Variants in SLC44A5 observed in about 807,000 individuals in gnomAD.
The protein encoded by SLC44A5 is choline transporter-like protein 5.
Under a neutral mutation model 101.8 loss-of-function variants are expected in SLC44A5, and 57 were observed. That is an observed-to-expected ratio of 0.56 (90% CI 0.45 to 0.70). The LOEUF (loss-of-function observed/expected upper bound fraction) is 0.70, where lower values mean the gene tolerates loss of function less well. SLC44A5 is among the 30% of genes least tolerant of loss of function. The pLI is 0.00. For synonymous variants in SLC44A5, 281 were observed against 290.9 expected (o/e 0.97, Z 0.35); for missense variants, 737 against 853.1 (o/e 0.86, Z 1.70).
the SLC44A5 span, among the ~76,000 whole-genome samples, chr1:75,694,923 C>T: frequency 6.6e-6 from 1 of 152,120 alleles, no homozygotes; most frequent in African/African-American, 2.4e-5. Context: ...CAGCATTTGA[C>T]ATATTACTTG....
the SLC44A5 span, among the ~76,000 whole-genome samples, chr1:75,621,267 T>C: frequency 5.9e-5 from 9 of 152,102 alleles, no homozygotes; most frequent in East Asian, 5.8e-4. Flanking sequence ...TTTTGAAAAA[T>C]AGACACAGAA....
intron 5 of SLC44A5, among the ~76,000 whole-genome samples, chr1:75,299,712 TA>T (rs968152713): frequency 1.3e-5 from 2 of 151,782 alleles, no homozygotes; most frequent in African/African-American, 2.4e-5. Flanking sequence ...GGTAGTTGTT[TA>T]AAAAAAATCC....
chr1:75,565,445 C>A (rs917934699), intron 1 of SLC44A5, among the ~76,000 whole-genome samples: 1 of 152,174 alleles, frequency 6.6e-6, no homozygotes, highest in Non-Finnish European at 1.5e-5. Flanking sequence ...TTAATTATGG[C>A]CAATGCTGTA....
intron 2 of SLC44A5, among the ~76,000 whole-genome samples, chr1:75,401,797 C>CA (rs1364772070): frequency 2.0e-5 from 3 of 151,788 alleles, no homozygotes; most frequent in Non-Finnish European, 4.4e-5. Context: ...TCTGTGTTCT[C>CA]AAAAAAAATT....
intron 1 of SLC44A5, among the ~76,000 whole-genome samples, chr1:75,547,695 C>A (rs1671724163): frequency 6.6e-6 from 1 of 152,122 alleles, no homozygotes; most frequent in African/African-American, 2.4e-5. Context: ...AACAAACAAA[C>A]AAACAAAACA....
chr1:75,391,704 C>T (rs1661799898), intron 3 of SLC44A5, among the ~76,000 whole-genome samples: 1 of 152,144 alleles, frequency 6.6e-6, no homozygotes, highest in South Asian at 2.1e-4. Context: ...CTACCTATCA[C>T]CATATACAAA....
At chr1:75,261,895 C>T (rs1400169139) in intron 6 of SLC44A5, among the ~76,000 whole-genome samples, 2 of 152,124 alleles carry the variant, frequency 1.3e-5, no homozygotes, top group Admixed American at 6.5e-5. Flanking sequence ...CCAAAAACCA[C>T]ATGATTATCT....
At chr1:75,451,468 G>A (rs937533525) in intron 2 of SLC44A5, among the ~76,000 whole-genome samples, 7 of 151,962 alleles carry the variant, frequency 4.6e-5, no homozygotes, top group African/African-American at 1.7e-4. Flanking sequence ...TACTCCCTAG[G>A]AAGGGAAGGG....
chr1:75,721,991 T>C, the SLC44A5 span, among the ~76,000 whole-genome samples: 8 of 152,166 alleles, frequency 5.3e-5, no homozygotes, highest in Non-Finnish European at 8.8e-5. Flanking sequence ...TTAATTTTCA[T>C]TGATGTGATA....
intron 4 of SLC44A5, among the ~76,000 whole-genome samples, chr1:75,325,848 A>G (rs1656549279): frequency 6.6e-6 from 1 of 151,638 alleles, no homozygotes; most frequent in Non-Finnish European, 1.5e-5. Context: ...AATATTTGCA[A>G]TGTACATAAT....
chr1:75,489,664 A>C (rs1209703812), intron 2 of SLC44A5, among the ~76,000 whole-genome samples: 2 of 152,242 alleles, frequency 1.3e-5, no homozygotes, highest in Non-Finnish European at 2.9e-5. Flanking sequence ...TGAATGAAAT[A>C]ACAAATGGAG....
At chr1:75,659,475 AG>A in the SLC44A5 span, among the ~76,000 whole-genome samples, 2 of 66,804 alleles carry the variant, frequency 3.0e-5, 1 homozygote, top group East Asian at 4.6e-4. Context: ...GAAGGAAGGA[AG>A]GAAGGAAGGA....
At position 75,325,836 on chromosome 1, in the gene SLC44A5, G is replaced by A. The variant is rs536020600; in HGVS notation, c.101+13746C>T. Among the ~76,000 whole-genome samples the A allele has an allele frequency of 1.5e-4, 22 of 150,320 alleles. 1 individual carries two copies. In the South Asian group the frequency reaches 4.6e-3, roughly 32 times the overall value. On this transcript the variant is annotated intron_variant, in intron 4 of 23. Transcript: ENST00000370859. ...ACAAGTGTTTCAAATTTCAGATTTG[G>A]GAATATTTGCAATGTACATAATGAG...
At chr1:75,544,627 T>C (rs1671545793) in intron 1 of SLC44A5, among the ~76,000 whole-genome samples, 1 of 152,194 alleles carries the variant, frequency 6.6e-6, no homozygotes, top group South Asian at 2.1e-4. Flanking sequence ...AATGTTCTCA[T>C]AAATTAACAC....
intron 4 of SLC44A5, among the ~76,000 whole-genome samples, chr1:75,332,882 A>G (rs948816501): frequency 3.3e-5 from 5 of 152,214 alleles, no homozygotes; most frequent in African/African-American, 9.6e-5. Flanking sequence ...GTTGTTATCA[A>G]GTAGACATCT....
At chr1:75,256,767 G>A (rs549997721) in intron 6 of SLC44A5, among the ~76,000 whole-genome samples, 2 of 152,208 alleles carry the variant, frequency 1.3e-5, no homozygotes, top group Non-Finnish European at 2.9e-5. Flanking sequence ...GATGAGCTGA[G>A]ACACTGACAA....
the SLC44A5 span, among the ~76,000 whole-genome samples, chr1:75,634,061 G>A: frequency 6.6e-6 from 1 of 152,270 alleles, no homozygotes; most frequent in Admixed American, 6.5e-5. Flanking sequence ...TTGCATCCCA[G>A]GGATGAAGCC....
intron 1 of SLC44A5, among the ~76,000 whole-genome samples, chr1:75,567,634 C>A (rs569844220): frequency 1.3e-5 from 2 of 152,166 alleles, no homozygotes; most frequent in East Asian, 3.9e-4. Flanking sequence ...CCACTTCTAC[C>A]AGTCACTAAC....
chr1:75,429,555 G>A (rs745864490), intron 2 of SLC44A5, among the ~76,000 whole-genome samples: 2 of 152,154 alleles, frequency 1.3e-5, no homozygotes, highest in Non-Finnish European at 2.9e-5. Context: ...AGGAATACCC[G>A]AGACTAATTT....
Sources: allele counts gnomAD v4.1 joint callset (sites outside exome capture counted in the v4.1 genomes callset), GRCh38; gene constraint gnomAD v4.1.1; transcripts MANE v1.5; gene names NCBI Gene and HGNC (gene_info 2026-07-23, HGNC 2026-07-21).